The following HOXC13 variants were observed in gnomAD, a reference collection of about 807,000 sequenced individuals.
The protein encoded by HOXC13 is homeobox C13.
A neutral mutation model predicts 25.9 loss-of-function variants in HOXC13; 10 were observed. That is an observed-to-expected ratio of 0.39 (90% CI 0.24 to 0.65). The LOEUF (loss-of-function observed/expected upper bound fraction) is 0.65, where lower values mean the gene tolerates loss of function less well. Among genes scored for constraint, HOXC13 ranks in the 30% least tolerant of loss-of-function variants. The probability of loss-of-function intolerance (pLI) is 0.50; values close to 1 mark genes in which losing one functional copy is unlikely to be tolerated. For synonymous variants in HOXC13, 233 were observed against 217.1 expected, an observed-to-expected ratio of 1.07 and a Z score of -0.64; for missense variants, 439 against 478.3, an observed-to-expected ratio of 0.92 and a Z score of 0.77.
At position 53,945,293 on chromosome 12, in the gene HOXC13, C is replaced by A. The variant is rs1218625081; in HGVS notation, c.*37C>A. On this transcript the variant is annotated 3_prime_UTR_variant, in exon 2 of 2. Coordinates refer to ENST00000243056, the MANE Select transcript of HOXC13 (RefSeq NM_017410.3). The surrounding 1 kb of genome is among the most constrained non-coding windows in gnomAD (Gnocchi z 4.4). ...CTGCTTGCCCCATCTATTTATGTCTCCGCTTTGTACCATAACCGAACCCAC... is the reference window on the plus strand; with the variant it reads ...CTGCTTGCCCCATCTATTTATGTCTACGCTTTGTACCATAACCGAACCCAC... 4 of 1,607,632 alleles carry A rather than the reference C, an allele frequency of 2.5e-6. No individual in the cohort carries two copies. In the African/African-American group the frequency reaches 5.4e-5, roughly 22 times the overall value.
In HOXC13 at chr12:53,939,031, CG is replaced by C. The variant is rs775869095; in HGVS notation, c.131del (p.Gly44ValfsTer95). The C allele has an allele frequency of 2.6e-5, 38 of 1,468,124 alleles. No individual in the cohort carries two copies. The highest frequency in any genetic ancestry group is 7.2e-5 in the Admixed American group (3 of 41,614). The allele number at this position is 1,468,124 out of a possible 1,614,324, so 90.9% of individuals were successfully genotyped here. ...GGGGGGGTGG[A>X]GGGCSGASPG... Reference sequence around the variant, plus strand: ...GGAGGAGGCGGCGGCACGGGCGGAGCGGGGGGTGGCTGCAGCGGAGCGAGCC... The same window carrying C: ...GGAGGAGGCGGCGGCACGGGCGGAGCGGGGGTGGCTGCAGCGGAGCGAGCC... On this transcript the variant is annotated frameshift_variant, in exon 1 of 2. Coordinates refer to ENST00000243056, the MANE Select transcript of HOXC13 (RefSeq NM_017410.3). LOFTEE classifies it high-confidence loss of function. This position sits in a 1 kb window ranked among gnomAD's most constrained non-coding sequence, Gnocchi z 6.7.
At chr12:53,944,725 A>G (rs1021814752) in intron 1 of HOXC13, among the ~76,000 whole-genome samples, 1 of 152,048 alleles carries the variant, frequency 6.6e-6, no homozygotes, top group African/African-American at 2.4e-5. Flanking sequence ...ATGTTTTTGT[A>G]TTCGTTTTGC....
intron 1 of HOXC13, among the ~76,000 whole-genome samples, chr12:53,943,509 GGC>G (rs1938644391): frequency 6.6e-6 from 1 of 152,156 alleles, no homozygotes; most frequent in Non-Finnish European, 1.5e-5. Flanking sequence ...TTCTCACAGA[GGC>G]AGAGAAAAAT....
chr12:53,939,954 T>C lies in HOXC13; in HGVS notation c.736+312T>C, dbSNP rs945098144. Among the ~76,000 whole-genome samples the C allele has an allele frequency of 1.1e-4, 16 of 152,304 alleles. No homozygotes were observed. The highest frequency in any genetic ancestry group is 3.8e-4 in the African/African-American group (16 of 41,590). ...AGGCTCCAGCCTCCCGCCGGGCTCT[T>C]GGCCCCTAAACCTGCTTCCGGCAAG... is the stretch of plus-strand genomic sequence containing the variant. On this transcript the variant is annotated intron_variant, in intron 1 of 1. Coordinates refer to ENST00000243056, the MANE Select transcript of HOXC13 (RefSeq NM_017410.3). This position sits in a 1 kb window ranked among gnomAD's most constrained non-coding sequence, Gnocchi z 6.7.
In HOXC13 at chr12:53,943,472, T is replaced by C. The variant is rs559324594; in HGVS notation, c.737-1528T>C. 4.7e-4 allele frequency among the ~76,000 whole-genome samples: 72 copies of C among 152,348 alleles called. 2 individuals are homozygous for C. The highest frequency in any genetic ancestry group is 1.7e-3 in the African/African-American group (72 of 41,578). On this transcript the variant is annotated intron_variant, in intron 1 of 1. Coordinates refer to ENST00000243056, the MANE Select transcript of HOXC13 (RefSeq NM_017410.3). ...ACTGTTTAAATAAAGTTATTTTGTT[T>C]TTTAGATTTTTTTAAATCATAGTTT...
Position 53,938,956 on chromosome 12 carries a change from A to C in HOXC13, c.50A>C (p.Tyr17Ser). Residue 17 changes from tyrosine to serine, a missense_variant, in exon 1 of 2, where the codon TAC becomes TCC. Physicochemically the swap from Tyr to Ser is moderately radical, Grantham distance 144. Coordinates refer to ENST00000243056, the MANE Select transcript of HOXC13 (RefSeq NM_017410.3). ...LHPRWPESLM[Y>S]VYEDSAAESG... ...CCACGCTGGCCGGAGAGCCTTATGT[A>C]CGTCTATGAGGACAGCGCGGCGGAG... 5.8e-6 allele frequency: 9 copies of C among 1,550,256 alleles called. No homozygotes were observed. The highest frequency in any genetic ancestry group is 7.8e-6 in the Non-Finnish European group (9 of 1,153,722).
In HOXC13 at chr12:53,939,084, C is replaced by G; in HGVS notation, c.178C>G (p.Leu60Val). ...SPGKAPSMDG[L>V]GSSCPASHCR... Reference sequence around the variant, plus strand: ...CGGCAAAGCCCCGAGCATGGATGGTCTGGGCAGCAGCTGCCCGGCCAGCCA... The same window carrying G: ...CGGCAAAGCCCCGAGCATGGATGGTGTGGGCAGCAGCTGCCCGGCCAGCCA... The change falls in exon 1 of 2, where the codon CTG (leucine) becomes GTG (valine). Residue 60 changes from leucine (L) to valine (V), a missense_variant. Leu to Val is a conservative substitution (Grantham distance 32). Coordinates refer to ENST00000243056, the MANE Select transcript of HOXC13 (RefSeq NM_017410.3). This position sits in a 1 kb window ranked among gnomAD's most constrained non-coding sequence, Gnocchi z 6.7. 1 of 1,434,938 alleles carries G rather than the reference C, an allele frequency of 7.0e-7. No homozygotes were observed. The highest frequency in any genetic ancestry group is 9.0e-7 in the Non-Finnish European group (1 of 1,105,758). The allele number at this position is 1,434,938 out of a possible 1,614,324, so 88.9% of individuals were successfully genotyped here.
chr12:53,942,458 GC>G (rs1038123511), intron 1 of HOXC13, among the ~76,000 whole-genome samples: 2 of 151,822 alleles, frequency 1.3e-5, no homozygotes, highest in Admixed American at 1.3e-4. Flanking sequence ...GAACAGAGGG[GC>G]CCCGAAGCCC....
Position 53,938,985 on chromosome 12 carries a change from G to A in HOXC13, c.79G>A (p.Gly27Ser), listed in dbSNP as rs755612495. 5.3e-6 allele frequency: 8 copies of A among 1,509,192 alleles called. No individual in the cohort carries two copies. In the Admixed American group the frequency reaches 1.2e-4, roughly 24 times the overall value. 93.5% of individuals were successfully genotyped at this position (1,509,192 alleles called of 1,614,324 possible). ...YVYEDSAAES[G>S]IGGGGGGGGG... ...CTATGAGGACAGCGCGGCGGAGAGC[G>A]GCATCGGCGGCGGCGGCGGAGGAGG... The change falls in exon 1 of 2, where the codon GGC (glycine) becomes AGC (serine). Residue 27 changes from glycine to serine, a missense_variant. Gly to Ser is a moderately conservative substitution (Grantham distance 56). Transcript: ENST00000243056.
At chr12:53,942,297 G>T (rs915186883) in intron 1 of HOXC13, among the ~76,000 whole-genome samples, 1 of 150,502 alleles carries the variant, frequency 6.6e-6, no homozygotes, top group African/African-American at 2.5e-5. Context: ...TGGGCTATTT[G>T]GACCACACTA....
chr12:53,941,570 A>G (rs1184353660), intron 1 of HOXC13, among the ~76,000 whole-genome samples: 1 of 294 alleles, frequency 3.4e-3, no homozygotes, highest in Non-Finnish European at 7.5e-3. Flanking sequence ...AGGACACAAA[A>G]CAAAACAAAA....
At position 53,938,843 on chromosome 12, in the gene HOXC13, G is replaced by A; in HGVS notation, c.-64G>A. On this transcript the variant is annotated 5_prime_UTR_variant, in exon 1 of 2. Coordinates refer to ENST00000243056, the MANE Select transcript of HOXC13 (RefSeq NM_017410.3). Reference sequence around the variant, plus strand: ...ATGGGGGGAGGGGAAACAGGAGCGAGGTGTCTCCCTAGCTCGCTGCCTCTG... The same window carrying A: ...ATGGGGGGAGGGGAAACAGGAGCGAAGTGTCTCCCTAGCTCGCTGCCTCTG... The A allele has an allele frequency of 7.2e-7, 1 of 1,380,268 alleles. No homozygotes were observed. Among genetic ancestry groups the A allele is most frequent in the Non-Finnish European group, 9.6e-7 (1 of 1,036,944 alleles). 85.5% of individuals were successfully genotyped at this position (1,380,268 alleles called of 1,614,324 possible).
intron 1 of HOXC13, among the ~76,000 whole-genome samples, chr12:53,943,743 C>A (rs2078098): frequency 0.57 from 87,153 of 152,170 alleles, 28,061 homozygotes; most frequent in East Asian, 0.79. Flanking sequence ...ACAAACATTT[C>A]AGAAAGAACT....
At chr12:53,940,239 A>G (rs1714134221) in intron 1 of HOXC13, among the ~76,000 whole-genome samples, 1 of 152,240 alleles carries the variant, frequency 6.6e-6, no homozygotes, top group Non-Finnish European at 1.5e-5. Context: ...GGAACAGAAG[A>G]TCCAAAATCT....
Position 53,945,219 on chromosome 12 carries a change from T to C in HOXC13, c.956T>C (p.Val319Ala). ...CGGCGGGTCAAAGAGAAGAAGGTGG[T>C]CAGCAAATCGAAAGCGCCTCATCTC... ...QNRRVKEKKV[V>A]SKSKAPHLHS... The change falls in exon 2 of 2, where the codon GTC (valine) becomes GCC (alanine). Residue 319 changes from valine (V) to alanine (A), a missense_variant. Physicochemically the swap from Val to Ala is moderately conservative, Grantham distance 64 (BLOSUM62 0). Coordinates refer to ENST00000243056, the MANE Select transcript of HOXC13 (RefSeq NM_017410.3). The surrounding 1 kb of genome is among the most constrained non-coding windows in gnomAD (Gnocchi z 4.4). The C allele has an allele frequency of 6.2e-7, 1 of 1,613,982 alleles. No homozygotes were observed. The highest frequency in any genetic ancestry group is 8.5e-7 in the Non-Finnish European group (1 of 1,179,990).
chr12:53,940,911 C>T (rs1475611101), intron 1 of HOXC13, among the ~76,000 whole-genome samples: 4 of 152,070 alleles, frequency 2.6e-5, no homozygotes, highest in Non-Finnish European at 5.9e-5. Flanking sequence ...GCCTGAAATT[C>T]CTCTGCATAC....
At chr12:53,944,698 T>C (rs1938663063) in intron 1 of HOXC13, among the ~76,000 whole-genome samples, 1 of 152,180 alleles carries the variant, frequency 6.6e-6, no homozygotes, top group Non-Finnish European at 1.5e-5. Flanking sequence ...TTTTAATTGA[T>C]ATTTTGTTCA....
chr12:53,945,663 TA>T lies in HOXC13; in HGVS notation c.*408del. On this transcript the variant is annotated 3_prime_UTR_variant, in exon 2 of 2. Transcript: ENST00000243056. The surrounding 1 kb of genome is among the most constrained non-coding windows in gnomAD (Gnocchi z 4.4). ...TTGCCTCATCCTATGACCAGGCTTT[TA>T]GAGGACCTTCCCTAAGGGCGCAGCT... 3.3e-6 allele frequency: 1 copy of T among 300,708 alleles called. No individual in the cohort carries two copies. 18.6% of individuals were successfully genotyped at this position (300,708 alleles called of 1,614,324 possible).
chr12:53,940,170 A>AT (rs1938587175), intron 1 of HOXC13, among the ~76,000 whole-genome samples: 1 of 152,124 alleles, frequency 6.6e-6, no homozygotes, highest in African/African-American at 2.4e-5. Context: ...TGTGAGATTT[A>AT]TTTTTTTCCT....
Sources: allele counts gnomAD v4.1 joint callset (sites outside exome capture counted in the v4.1 genomes callset), GRCh38; gene constraint gnomAD v4.1.1; non-coding constraint Gnocchi (gnomAD v3.1); transcripts MANE v1.5; gene names NCBI Gene and HGNC (gene_info 2026-07-23, HGNC 2026-07-21).